ATG16L1: variants seen among roughly 807,000 people sequenced by gnomAD.
ATG16L1 encodes autophagy related 16 like 1.
ATG16L1 carries 37 observed loss-of-function variants against 88.5 expected under a neutral mutation model. The ratio of observed to expected loss-of-function variants is 0.42; its 90% confidence interval spans 0.32 to 0.55. The LOEUF (loss-of-function observed/expected upper bound fraction) is 0.55. Among genes scored for constraint, ATG16L1 ranks in the 20% least tolerant of loss-of-function variants. ATG16L1 has a pLI of 0.13. For synonymous variants in ATG16L1, 301 were observed against 281.0 expected (o/e 1.07, Z -0.71); for missense variants, 554 against 752.8 (o/e 0.74, Z 3.09).
At chr2:233,275,608 G>T in intron 9 of ATG16L1, 1 of 445,288 alleles carries the variant, frequency 2.2e-6, no homozygotes, top group East Asian at 5.7e-5. Context: ...GTGATGAACT[G>T]CCTTGACTGT....
At chr2:233,292,763 G>A (rs965594604) in intron 16 of ATG16L1, among the ~76,000 whole-genome samples, 15 of 152,260 alleles carry the variant, frequency 9.9e-5, no homozygotes, top group African/African-American at 3.6e-4. Flanking sequence ...GTGGCCGTGG[G>A]CCTGGGGCGG....
chr2:233,287,217 A>G (rs560842018), intron 12 of ATG16L1, among the ~76,000 whole-genome samples: 1 of 152,364 alleles, frequency 6.6e-6, no homozygotes, highest in East Asian at 1.9e-4. Context: ...TGTTCAAATC[A>G]GTGGAACCCC....
rs1284670513 is a variant in ATG16L1, at chr2:233,273,985, C to G, written c.851+208C>G. ...CTGCGTGCTGATCTCTGGCCTTTCC[C>G]TTTAGTCTGTCCGAGTCTCCCCTTT... On this transcript the variant is annotated intron_variant, in intron 8 of 17. Coordinates refer to ENST00000392017, the MANE Select transcript of ATG16L1 (RefSeq NM_030803.7). 24 of 1,551,460 alleles carry G rather than the reference C, an allele frequency of 1.5e-5. No homozygotes were observed. The East Asian group carries it at 4.4e-4, about 28-fold the overall frequency.
chr2:233,254,822 T>C (rs371825212), intron 1 of ATG16L1, among the ~76,000 whole-genome samples: 2 of 152,138 alleles, frequency 1.3e-5, no homozygotes, highest in East Asian at 3.9e-4. Context: ...CAAAACTCTT[T>C]AAAAGGAGAA....
chr2:233,278,487 CT>C (rs1698522402), intron 10 of ATG16L1, among the ~76,000 whole-genome samples: 1 of 152,146 alleles, frequency 6.6e-6, no homozygotes, highest in African/African-American at 2.4e-5. Flanking sequence ...GTTAATTCCC[CT>C]GATCATCACA....
At chr2:233,286,309 C>T (rs1336813275) in intron 12 of ATG16L1, among the ~76,000 whole-genome samples, 1 of 152,176 alleles carries the variant, frequency 6.6e-6, no homozygotes, top group Non-Finnish European at 1.5e-5. Flanking sequence ...GCAGAGAAAT[C>T]TTGAAGCCTC....
chr2:233,285,248 G>A (rs528616774), intron 12 of ATG16L1, among the ~76,000 whole-genome samples: 1 of 151,020 alleles, frequency 6.6e-6, no homozygotes, highest in East Asian at 1.9e-4. Flanking sequence ...AATTATTGAA[G>A]AGGGGCCTAC....
chr2:233,257,551 A>G (rs1696879575), intron 2 of ATG16L1, among the ~76,000 whole-genome samples: 1 of 152,214 alleles, frequency 6.6e-6, no homozygotes, highest in South Asian at 2.1e-4. Flanking sequence ...AGTAGGTGAG[A>G]TGTATTGAAT....
intron 16 of ATG16L1, among the ~76,000 whole-genome samples, chr2:233,292,685 C>G (rs1699544527): frequency 6.6e-6 from 1 of 152,152 alleles, no homozygotes; most frequent in South Asian, 2.1e-4. Flanking sequence ...GTGGGTGAGC[C>G]CATTAGGTTC....
At chr2:233,276,941 G>C (rs574221113) in intron 9 of ATG16L1, among the ~76,000 whole-genome samples, 32 of 152,208 alleles carry the variant, frequency 2.1e-4, no homozygotes, top group Non-Finnish European at 3.4e-4. Context: ...CACCATTCTG[G>C]GTTGCAAAAA....
chr2:233,260,365 G>T (rs1205197634), intron 2 of ATG16L1, among the ~76,000 whole-genome samples: 2 of 152,192 alleles, frequency 1.3e-5, no homozygotes, highest in African/African-American at 4.8e-5. Flanking sequence ...AACTCTGGGG[G>T]TGGGGCCTGG....
intron 2 of ATG16L1, among the ~76,000 whole-genome samples, chr2:233,260,828 T>G (rs1697156659): frequency 6.6e-6 from 1 of 152,216 alleles, no homozygotes; most frequent in Non-Finnish European, 1.5e-5. Context: ...ATTCCTACTT[T>G]AGTTCCTCTT....
chr2:233,291,323 A>G (rs1170203310), intron 14 of ATG16L1, among the ~76,000 whole-genome samples: 1 of 152,192 alleles, frequency 6.6e-6, no homozygotes, highest in African/African-American at 2.4e-5. Context: ...AACTTGAAAG[A>G]TGGAATTTGA....
At chr2:233,255,993 G>T in intron 1 of ATG16L1, 109 bp from the exon 2 acceptor site, 1 of 804,134 alleles carries the variant, frequency 1.2e-6, no homozygotes, top group Non-Finnish European at 2.0e-6. Flanking sequence ...TGTGGCTGAG[G>T]AATGTATGTT....
rs1697117725 is a variant in ATG16L1 at position 233,260,306 on chromosome 2, T to G, written c.210-2824T>G. On this transcript the variant is annotated intron_variant, in intron 2 of 17. Coordinates refer to ENST00000392017, the MANE Select transcript of ATG16L1 (RefSeq NM_030803.7). The stretch of plus-strand genomic sequence containing the variant: ...GGACTAGTGACATCTTCTGGGAAAC[T>G]GTTAGAAACGAAGATTCTTGGGCCC... Among the ~76,000 whole-genome samples, 2 of 152,244 alleles carry G rather than the reference T, an allele frequency of 1.3e-5. 1 individual carries two copies. The highest frequency in any genetic ancestry group is 4.1e-4 in the South Asian group (2 of 4,830).
Position 233,277,597 on chromosome 2 carries a change from G to T in ATG16L1, c.984G>T (p.Val328=), listed in dbSNP as rs1698462273. 1.2e-6 allele frequency: 2 copies of T among 1,614,108 alleles called. No individual in the cohort carries two copies. The highest frequency in any genetic ancestry group is 1.3e-5 in the African/African-American group (1 of 75,050). The part of the protein sequence containing the change: ...FDAHDGEVNA[V]QFSPGSRLLA... ...CACATGATGGGGAAGTCAACGCTGT[G>T]CAGTTCAGTCCAGGTTCCCGGTTAC... is the stretch of plus-strand genomic sequence containing the variant. The change falls in exon 10 of 18, where the codon GTG becomes GTT. Residue 328 remains valine (V), a synonymous_variant. Transcript: ENST00000392017.
chr2:233,277,952 G>A (rs544724325), intron 10 of ATG16L1, among the ~76,000 whole-genome samples: 1 of 152,164 alleles, frequency 6.6e-6, no homozygotes, highest in South Asian at 2.1e-4. Flanking sequence ...TAAGGTTTCT[G>A]TAGTTTTTCT....
chr2:233,272,777 G>C (rs1293398976), intron 6 of ATG16L1, among the ~76,000 whole-genome samples, 189 bp from the exon 7 acceptor site: 1 of 152,220 alleles, frequency 6.6e-6, no homozygotes, highest in Non-Finnish European at 1.5e-5. Flanking sequence ...GATTTGAACA[G>C]GTTAAATGTT....
intron 2 of ATG16L1, among the ~76,000 whole-genome samples, chr2:233,258,040 T>C (rs886614536): frequency 6.6e-6 from 1 of 151,236 alleles, no homozygotes; most frequent in Middle Eastern, 3.4e-3. Flanking sequence ...TATATATCTA[T>C]ATATCTATAT....
Sources: gnomAD v4.1 joint callset for allele counts (sites outside exome capture counted in the v4.1 genomes callset) on GRCh38, gnomAD v4.1.1 for gene constraint, MANE v1.5 for transcripts, NCBI Gene and HGNC (gene_info 2026-07-23, HGNC 2026-07-21) for gene names.